The following MCMDC2 variants were observed in gnomAD, a reference collection of about 807,000 sequenced individuals.
The protein encoded by MCMDC2 is minichromosome maintenance domain containing 2, also known as minichromosome maintenance domain-containing protein 2.
MCMDC2 carries 54 observed loss-of-function variants against 75.8 expected under a neutral mutation model. The ratio of observed to expected loss-of-function variants is 0.71; its 90% CI spans 0.57 to 0.89. MCMDC2 has a LOEUF of 0.89. Ranked by LOEUF, MCMDC2 falls within the 40% of genes least tolerant of loss-of-function variation. The probability of loss-of-function intolerance (pLI) is 0.00; values close to 1 mark genes in which losing one functional copy is unlikely to be tolerated. For missense variants in MCMDC2, 656 were observed against 780.4 expected (o/e 0.84, Z 1.90); for synonymous variants, 249 against 274.6 (o/e 0.91, Z 0.92).
intron 10 of MCMDC2, among the ~76,000 whole-genome samples, chr8:66,891,923 C>A (rs1282628164): frequency 6.6e-6 from 1 of 152,198 alleles, no homozygotes. Context: ...CTACTGAGGG[C>A]CCTGGTGTCT....
chr8:66,902,711 A>AATATATATATAT (rs1231949044), intron 13 of MCMDC2, among the ~76,000 whole-genome samples: 30 of 67,914 alleles, frequency 4.4e-4, no homozygotes, highest in East Asian at 2.5e-3. Context: ...AAAAAAAAAA[A>AATATATATATAT]ATATATATAT....
chr8:66,877,616 G>A, intron 5 of MCMDC2, 72 bp downstream of exon 5: 3 of 1,146,646 alleles, frequency 2.6e-6, no homozygotes, highest in Non-Finnish European at 3.6e-6. Context: ...TGTAATCCCT[G>A]CACTTTGGGA....
At chr8:66,895,930 A>G (rs1812330760) in intron 10 of MCMDC2, among the ~76,000 whole-genome samples, 1 of 152,176 alleles carries the variant, frequency 6.6e-6, no homozygotes, top group South Asian at 2.1e-4. Context: ...GTGCCCAGCC[A>G]CAATTCCAGC....
At chr8:66,883,354 G>C (rs1322145260) in intron 8 of MCMDC2, among the ~76,000 whole-genome samples, 2 of 152,166 alleles carry the variant, frequency 1.3e-5, no homozygotes, top group Non-Finnish European at 2.9e-5. Context: ...TGCTCACATA[G>C]ATCTTAAAAG....
chr8:66,871,840 C>G (rs1366910509), intron 1 of MCMDC2, among the ~76,000 whole-genome samples: 1 of 151,208 alleles, frequency 6.6e-6, no homozygotes, highest in African/African-American at 2.4e-5. Flanking sequence ...GTAGAGGCTG[C>G]AGCAAGCCGA....
intron 14 of MCMDC2, among the ~76,000 whole-genome samples, chr8:66,916,118 A>G (rs1813307340): frequency 6.6e-6 from 1 of 152,086 alleles, no homozygotes; most frequent in Admixed American, 6.6e-5. Context: ...ATTGCTGGAG[A>G]AGGATGTGTG....
intron 9 of MCMDC2, 45 bp from the exon 10 acceptor site, chr8:66,890,820 T>A (rs1585874982): frequency 2.7e-6 from 4 of 1,496,912 alleles, no homozygotes; most frequent in Non-Finnish European, 3.7e-6. Flanking sequence ...TTGTGACTTT[T>A]GAAAATTAAA....
intron 14 of MCMDC2, among the ~76,000 whole-genome samples, chr8:66,907,702 C>T (rs1366917164): frequency 1.3e-5 from 2 of 152,152 alleles, no homozygotes; most frequent in Non-Finnish European, 2.9e-5. Flanking sequence ...GGTGTAAAAG[C>T]GTTCCTGTTT....
chr8:66,902,741 T>C (rs6996796), intron 13 of MCMDC2, among the ~76,000 whole-genome samples: 2,376 of 133,000 alleles, frequency 0.018, 54 homozygotes, highest in South Asian at 0.046. Flanking sequence ...TATATATATA[T>C]ACATATATCT....
intron 14 of MCMDC2, among the ~76,000 whole-genome samples, chr8:66,915,910 G>GA (rs5892068): frequency 0.13 from 19,401 of 152,134 alleles, 2,334 homozygotes; most frequent in African/African-American, 0.31. Flanking sequence ...TTCTTTCTAA[G>GA]AATGAGAGTT....
intron 9 of MCMDC2, among the ~76,000 whole-genome samples, chr8:66,888,326 C>T (rs1413814596): frequency 6.6e-6 from 1 of 152,196 alleles, no homozygotes. Flanking sequence ...AAGTGATCTT[C>T]CCGCCTCGGC....
rs1186082083 is a variant in MCMDC2 at position 66,874,112 on chromosome 8, A to C, written c.-29A>C. The C allele has an allele frequency of 1.3e-6, 2 of 1,512,120 alleles. No individual in the cohort carries two copies. The highest frequency in any genetic ancestry group is 4.6e-5 in the East Asian group (2 of 43,792). 93.7% of individuals were successfully genotyped at this position (1,512,120 alleles called of 1,614,324 possible). ...TAGCTTTTATCAACAATTGTGGTTTAATCAATTAGAAATATTAACCAGGAG... is the reference window on the plus strand; with the variant it reads ...TAGCTTTTATCAACAATTGTGGTTTCATCAATTAGAAATATTAACCAGGAG... On this transcript the variant is annotated 5_prime_UTR_variant, in exon 2 of 15. Transcript: ENST00000422365.
At chr8:66,871,458 A>G (rs1447823738) in intron 1 of MCMDC2, 1 of 152,200 alleles carries the variant, frequency 6.6e-6, no homozygotes, top group Non-Finnish European at 1.5e-5. Flanking sequence ...TCCAGTGTGC[A>G]ATCTTTAAAA....
intron 9 of MCMDC2, among the ~76,000 whole-genome samples, chr8:66,886,410 C>T (rs1333318397): frequency 1.3e-5 from 2 of 152,074 alleles, no homozygotes; most frequent in South Asian, 2.1e-4. Flanking sequence ...GGTAATCCAC[C>T]CGCCTTGGCC....
intron 14 of MCMDC2, among the ~76,000 whole-genome samples, chr8:66,906,503 G>T (rs1412458853): frequency 1.3e-5 from 2 of 152,004 alleles, no homozygotes; most frequent in Non-Finnish European, 2.9e-5. Context: ...ATAGGGGCTT[G>T]CAAATCCCTA....
In MCMDC2 at chr8:66,896,903, C is replaced by T. The variant is rs35871529; in HGVS notation, c.1570C>T (p.Pro524Ser). 4,785 of 1,612,794 alleles carry T rather than the reference C, an allele frequency of 3.0e-3. 129 individuals are homozygous for T. In the African/African-American group the frequency reaches 0.055, roughly 18 times the overall value. Residue 524 changes from proline to serine, a missense_variant, in exon 12 of 15, where the codon CCT becomes TCT. Physicochemically the swap from Pro to Ser is moderately conservative, Grantham distance 74. Transcript: ENST00000422365. ...ACACACTTTGAACAAAGCCATTAAT[C>T]CTGAAGGGCTGTTTTATGCGGCTTC... is the stretch of plus-strand genomic sequence containing the variant. ...VQHTLNKAIN[P>S]EGLFYAASRQ... is the part of the protein sequence containing the mutation.
At chr8:66,915,245 A>G (rs1386477971) in intron 14 of MCMDC2, among the ~76,000 whole-genome samples, 1 of 152,052 alleles carries the variant, frequency 6.6e-6, no homozygotes, top group African/African-American at 2.4e-5. Flanking sequence ...CAAGGTCAGG[A>G]GTTCAAGACC....
At position 66,878,563 on chromosome 8, in the gene MCMDC2, T is replaced by G. The variant is rs779369173; in HGVS notation, c.482-11T>G. ...TGAAAGCAAATGTATGTTACCACTGTTTTCTTTCAGGATTTCAGTATATAA... is the reference window on the plus strand; with the variant it reads ...TGAAAGCAAATGTATGTTACCACTGGTTTCTTTCAGGATTTCAGTATATAA... On this transcript the variant is annotated splice_polypyrimidine_tract_variant and intron_variant, in intron 5 of 14. Coordinates refer to ENST00000422365, the MANE Select transcript of MCMDC2 (RefSeq NM_173518.5). 2.6e-6 allele frequency: 4 copies of G among 1,568,484 alleles called. No individual in the cohort carries two copies. The highest frequency in any genetic ancestry group is 3.4e-6 in the Non-Finnish European group (4 of 1,162,370).
At chr8:66,925,173 T>C (rs542078648), downstream of MCMDC2, among the ~76,000 whole-genome samples, 1 of 152,284 alleles carries the variant, frequency 6.6e-6, no homozygotes, top group East Asian at 1.9e-4. Flanking sequence ...TTGCCCAGTT[T>C]CTGAGCAGAG....
Sources: allele counts gnomAD v4.1 joint callset (sites outside exome capture counted in the v4.1 genomes callset), GRCh38; gene constraint gnomAD v4.1.1; transcripts MANE v1.5; gene names NCBI Gene and HGNC (gene_info 2026-07-23, HGNC 2026-07-21).